RGS8: variants seen among roughly 807,000 people sequenced by gnomAD.
RGS8 encodes the protein regulator of G protein signaling 8.
A neutral mutation model predicts 21.7 loss-of-function variants in RGS8; 8 were observed. That is an observed-to-expected ratio of 0.37 (90% CI 0.22 to 0.66). The LOEUF is 0.66. Ranked by LOEUF, RGS8 falls within the 30% of genes least tolerant of loss-of-function variation. The pLI, the probability that RGS8 is intolerant of heterozygous loss-of-function variation, is 0.59. For synonymous variants in RGS8, 80 were observed against 83.6 expected, an observed-to-expected ratio of 0.96 and a Z score of 0.24; for missense variants, 157 against 217.9, an observed-to-expected ratio of 0.72 and a Z score of 1.76.
the RGS8 span, among the ~76,000 whole-genome samples, chr1:182,691,705 C>T: frequency 6.6e-6 from 1 of 150,378 alleles, no homozygotes; most frequent in African/African-American, 2.4e-5. Context: ...AACCCACAGC[C>T]TACGTCATAC....
chr1:182,715,103 T>C, the RGS8 span, among the ~76,000 whole-genome samples: 1 of 152,224 alleles, frequency 6.6e-6, no homozygotes, highest in African/African-American at 2.4e-5. Context: ...TGAGTTTGCT[T>C]TCAGCTACAA....
Position 182,681,925 on chromosome 1 carries a change from A to G in RGS8, n.221+2431T>C, listed in dbSNP as rs538353378. 2.4e-4 allele frequency among the ~76,000 whole-genome samples: 36 copies of G among 152,308 alleles called. No individual in the cohort carries two copies. The South Asian group carries it at 7.4e-3, about 32-fold the overall frequency. ...CAAAAGCCTTTGGGAAATTCCATACAGAGAACACTGACCAATTCCATGCAG... is the reference window on the plus strand; with the variant it reads ...CAAAAGCCTTTGGGAAATTCCATACGGAGAACACTGACCAATTCCATGCAG... On this transcript the variant is annotated intron_variant and non_coding_transcript_variant, in intron 1 of 4. Transcript: ENST00000515211.
chr1:182,668,802 G>C (rs1240309558), intron 3 of RGS8, among the ~76,000 whole-genome samples: 1 of 152,242 alleles, frequency 6.6e-6, no homozygotes, highest in Admixed American at 6.5e-5. Flanking sequence ...GCAAATCGCA[G>C]GGTGTCTGAC....
upstream of RGS8, among the ~76,000 whole-genome samples, chr1:182,687,598 G>A (rs775327104): frequency 7.9e-5 from 12 of 152,186 alleles, no homozygotes; most frequent in Non-Finnish European, 1.6e-4. Flanking sequence ...GGGATAAAAG[G>A]GGAAAAGGTC....
chr1:182,745,165 G>A, the RGS8 span, among the ~76,000 whole-genome samples: 1 of 152,100 alleles, frequency 6.6e-6, no homozygotes, highest in Non-Finnish European at 1.5e-5. Flanking sequence ...CAGAGAATTG[G>A]TCTGACCAAA....
the RGS8 span, among the ~76,000 whole-genome samples, chr1:182,742,058 C>T: frequency 1.5e-4 from 22 of 149,676 alleles, no homozygotes; most frequent in Non-Finnish European, 1.3e-4. Context: ...CCTCACATCC[C>T]GGACGGGGCG....
At chr1:182,736,561 G>C in the RGS8 span, among the ~76,000 whole-genome samples, 1 of 152,176 alleles carries the variant, frequency 6.6e-6, no homozygotes, top group African/African-American at 2.4e-5. Context: ...CCCACTTCAA[G>C]AAACCCTGGG....
intron 2 of RGS8, among the ~76,000 whole-genome samples, chr1:182,670,572 TC>T: frequency 6.6e-6 from 1 of 152,206 alleles, no homozygotes; most frequent in Non-Finnish European, 1.5e-5. Context: ...CATAAAGGGC[TC>T]CCCTGGGGGA....
the RGS8 span, among the ~76,000 whole-genome samples, chr1:182,713,907 C>T: frequency 8.5e-3 from 1,287 of 152,260 alleles, 16 homozygotes; most frequent in African/African-American, 0.027. Flanking sequence ...GTACATAAAA[C>T]AGAAACAAGA....
At chr1:182,698,115 C>G in the RGS8 span, among the ~76,000 whole-genome samples, 2 of 152,176 alleles carry the variant, frequency 1.3e-5, no homozygotes, top group South Asian at 4.1e-4. Flanking sequence ...CCTGTTTCTC[C>G]CTTCCCCTGC....
the RGS8 span, among the ~76,000 whole-genome samples, chr1:182,700,350 C>T: frequency 1.3e-5 from 2 of 152,314 alleles, no homozygotes; most frequent in African/African-American, 4.8e-5. Context: ...AAACATTCCC[C>T]GCGACACACA....
At chr1:182,729,800 T>G in the RGS8 span, among the ~76,000 whole-genome samples, 563 of 152,358 alleles carry the variant, frequency 3.7e-3, 2 homozygotes, top group Non-Finnish European at 6.1e-3. Flanking sequence ...TGCCTTGTGC[T>G]TGCAGTGAGT....
chr1:182,741,838 C>G, the RGS8 span, among the ~76,000 whole-genome samples: 1 of 133,138 alleles, frequency 7.5e-6, no homozygotes, highest in Non-Finnish European at 1.7e-5. Context: ...CGGGCAGAGG[C>G]GCCCCTCACC....
chr1:182,685,519 G>A (rs985721722), upstream of RGS8, among the ~76,000 whole-genome samples: 17 of 152,220 alleles, frequency 1.1e-4, no homozygotes, highest in African/African-American at 4.1e-4. Flanking sequence ...AACCATGGAA[G>A]ACAGAGAAGA....
At chr1:182,654,351 T>G (rs1425722896) in intron 5 of RGS8, among the ~76,000 whole-genome samples, 1 of 152,086 alleles carries the variant, frequency 6.6e-6, no homozygotes, top group African/African-American at 2.4e-5. Context: ...TTCTTTTCCT[T>G]AAGGACAAAG....
chr1:182,729,751 G>A, the RGS8 span, among the ~76,000 whole-genome samples: 1 of 152,046 alleles, frequency 6.6e-6, no homozygotes, highest in African/African-American at 2.4e-5. Context: ...AGCTCTACAA[G>A]AACACATATT....
the RGS8 span, among the ~76,000 whole-genome samples, chr1:182,691,607 TAAAAA>T: frequency 7.3e-5 from 2 of 27,226 alleles, no homozygotes; most frequent in African/African-American, 1.4e-4. Flanking sequence ...CCCTTCATGT[TAAAAA>T]AAAAAAAAAA....
chr1:182,660,554 T>C (rs1663535620), intron 5 of RGS8, among the ~76,000 whole-genome samples: 1 of 151,680 alleles, frequency 6.6e-6, no homozygotes, highest in African/African-American at 2.4e-5. Context: ...CCTGCCATAT[T>C]TGTTTATTTA....
chr1:182,647,001 G>T (rs1758779), intron 6 of RGS8, 84 bp from the exon 8 acceptor site: 53,805 of 1,127,186 alleles, frequency 0.048, 3,494 homozygotes, highest in African/African-American at 0.26. Context: ...CAATAATTAT[G>T]AATGACAGCA....
Sources: gnomAD v4.1 joint callset for allele counts (sites outside exome capture counted in the v4.1 genomes callset) on GRCh38, gnomAD v4.1.1 for gene constraint, MANE v1.5 for transcripts, NCBI Gene and HGNC (gene_info 2026-07-23, HGNC 2026-07-21) for gene names.